The following SNX25 variants were observed in gnomAD, a reference collection of about 807,000 sequenced individuals.
SNX25 encodes the protein sorting nexin-25.
A neutral mutation model predicts 113.7 loss-of-function variants in SNX25; 62 were observed. The ratio of observed to expected loss-of-function variants is 0.55; its 90% CI spans 0.44 to 0.67. The LOEUF (loss-of-function observed/expected upper bound fraction) is 0.67, where lower values mean the gene tolerates loss of function less well. SNX25 is among the 30% of genes least tolerant of loss of function. The probability of loss-of-function intolerance (pLI) is 0.00; values close to 1 mark genes in which losing one functional copy is unlikely to be tolerated. For missense variants in SNX25, 1,014 were observed against 1,161.0 expected, an observed-to-expected ratio of 0.87 and a Z score of 1.84; for synonymous variants, 421 against 436.2, an observed-to-expected ratio of 0.97 and a Z score of 0.43.
rs33966647 is a variant in SNX25, at chr4:185,223,741, G to GA, written c.429+13500dup. 6.7e-4 allele frequency among the ~76,000 whole-genome samples: 98 copies of GA among 146,780 alleles called. No individual in the cohort carries two copies. In the Middle Eastern group the frequency reaches 0.01, roughly 16 times the overall value. On this transcript the variant is annotated intron_variant, in intron 1 of 18. Transcript: ENST00000652585. ...GCTTGCAGTGAGCCGAGATCGTGCC[G>GA]AAAAAAAAAAAAAAGTCATGTTGTA... is the stretch of plus-strand genomic sequence containing the variant.
intron 7 of SNX25, among the ~76,000 whole-genome samples, chr4:185,319,827 C>T (rs2095106197): frequency 6.6e-6 from 1 of 151,964 alleles, no homozygotes. Context: ...TTCAGTTTAC[C>T]AGGAGTACTA....
chr4:185,339,332 T>C, intron 10 of SNX25, 47 bp from the exon 11 acceptor site: 2 of 1,577,716 alleles, frequency 1.3e-6, no homozygotes, highest in Non-Finnish European at 1.7e-6. Context: ...CTGAATTGCA[T>C]AGTTTTAAGT....
chr4:185,227,400 C>T (rs1741181670), intron 1 of SNX25, among the ~76,000 whole-genome samples: 2 of 152,216 alleles, frequency 1.3e-5, no homozygotes, highest in Admixed American at 6.5e-5. Context: ...ACCTTTTTAG[C>T]CTTCACTTGT....
chr4:185,351,182 G>A (rs948623878), intron 13 of SNX25, among the ~76,000 whole-genome samples: 1 of 152,216 alleles, frequency 6.6e-6, no homozygotes, highest in Non-Finnish European at 1.5e-5. Context: ...AAAGCGGAGT[G>A]AGTTCTGCCT....
intron 1 of SNX25, among the ~76,000 whole-genome samples, chr4:185,225,806 A>G (rs1740915236): frequency 6.6e-6 from 1 of 152,208 alleles, no homozygotes; most frequent in Admixed American, 6.5e-5. Flanking sequence ...AGGTTTAGTG[A>G]GGTTAAACCA....
chr4:185,206,127 A>G (rs1408246596), upstream of SNX25, among the ~76,000 whole-genome samples: 1 of 152,228 alleles, frequency 6.6e-6, no homozygotes, highest in Non-Finnish European at 1.5e-5. Flanking sequence ...TGAACATAGA[A>G]TTATATGACC....
At chr4:185,244,560 A>G (rs1412083042) in intron 1 of SNX25, among the ~76,000 whole-genome samples, 1 of 152,232 alleles carries the variant, frequency 6.6e-6, no homozygotes, top group East Asian at 1.9e-4. Flanking sequence ...TTAAATTTCA[A>G]TAAAATCTAG....
At chr4:185,343,203 A>C (rs1459563486) in intron 12 of SNX25, among the ~76,000 whole-genome samples, 1 of 152,032 alleles carries the variant, frequency 6.6e-6, no homozygotes, top group African/African-American at 2.4e-5. Context: ...CCTGGGATTT[A>C]TCACTCACTT....
chr4:185,376,545 C>T, the SNX25 span, among the ~76,000 whole-genome samples: 1 of 151,154 alleles, frequency 6.6e-6, no homozygotes, highest in South Asian at 2.1e-4. Context: ...CCACCTGCCT[C>T]GGCCTCCCGA....
At chr4:185,255,210 T>C (rs139499852) in intron 2 of SNX25, among the ~76,000 whole-genome samples, 2,348 of 152,154 alleles carry the variant, frequency 0.015, 50 homozygotes, top group African/African-American at 0.053. Flanking sequence ...CTCGGCTCAC[T>C]GCAACCTACG....
intron 16 of SNX25, 55 bp downstream of exon 16, chr4:185,357,792 G>A: frequency 7.1e-7 from 1 of 1,400,732 alleles, no homozygotes; most frequent in Non-Finnish European, 1.0e-6. Context: ...TGCCTTGACA[G>A]TCAAATTACC....
chr4:185,357,188 A>G (rs1309456136), intron 15 of SNX25, among the ~76,000 whole-genome samples: 1 of 152,192 alleles, frequency 6.6e-6, no homozygotes, highest in East Asian at 1.9e-4. Context: ...CGTAGTATAT[A>G]TAAAGTACAC....
intron 1 of SNX25, among the ~76,000 whole-genome samples, chr4:185,230,406 TTTC>T (rs1436524273): frequency 6.6e-6 from 1 of 151,764 alleles, no homozygotes; most frequent in Non-Finnish European, 1.5e-5. Context: ...TTTTTTTTTT[TTTC>T]CTCAACAGAG....
chr4:185,322,288 A>G (rs1248207678), intron 8 of SNX25, among the ~76,000 whole-genome samples: 1 of 152,076 alleles, frequency 6.6e-6, no homozygotes, highest in Non-Finnish European at 1.5e-5. Flanking sequence ...AAAATTAGCC[A>G]GGCGTGGTGA....
At chr4:185,266,625 G>A (rs900655364) in intron 4 of SNX25, among the ~76,000 whole-genome samples, 2 of 152,158 alleles carry the variant, frequency 1.3e-5, no homozygotes, top group African/African-American at 2.4e-5. Flanking sequence ...GCCTCCCAAA[G>A]TGCTGGGATT....
intron 9 of SNX25, among the ~76,000 whole-genome samples, chr4:185,324,959 G>C (rs2095146071): frequency 6.6e-6 from 1 of 152,096 alleles, no homozygotes; most frequent in African/African-American, 2.4e-5. Flanking sequence ...AAAAATTTTT[G>C]AAAAAGGTTA....
At chr4:185,337,035 T>C (rs1337872928) in intron 10 of SNX25, among the ~76,000 whole-genome samples, 4 of 152,224 alleles carry the variant, frequency 2.6e-5, no homozygotes, top group African/African-American at 7.2e-5. Context: ...CTAATTTGTT[T>C]GAGTTTTCTG....
intron 1 of SNX25, among the ~76,000 whole-genome samples, chr4:185,245,438 A>G (rs1020066414): frequency 6.6e-6 from 1 of 152,078 alleles, no homozygotes; most frequent in African/African-American, 2.4e-5. Flanking sequence ...CCTGGGTTCA[A>G]GCTATTCTCA....
intron 5 of SNX25, among the ~76,000 whole-genome samples, chr4:185,273,715 G>T (rs928616154): frequency 6.6e-6 from 1 of 152,106 alleles, no homozygotes; most frequent in African/African-American, 2.4e-5. Flanking sequence ...TCTACTCTCT[G>T]CTTTTAGGAG....
Sources: allele counts gnomAD v4.1 joint callset (sites outside exome capture counted in the v4.1 genomes callset), GRCh38; gene constraint gnomAD v4.1.1; transcripts MANE v1.5; gene names NCBI Gene and HGNC (gene_info 2026-07-23, HGNC 2026-07-21).